SAT2: variants seen among roughly 807,000 people sequenced by gnomAD.
SAT2 encodes the protein spermidine/spermine N1-acetyltransferase family member 2, also known as thialysine N-epsilon-acetyltransferase.
In SAT2, 19 loss-of-function variants were observed where a neutral mutation model predicts 24.8. That is an observed-to-expected ratio of 0.77 (90% CI 0.53 to 1.12). The LOEUF (loss-of-function observed/expected upper bound fraction) is 1.12. Among genes scored for constraint, SAT2 ranks in the 50% most tolerant of loss-of-function variants. SAT2 has a pLI of 0.00. For missense variants in SAT2, 190 were observed against 210.7 expected (o/e 0.90, Z 0.61); for synonymous variants, 77 against 77.4 (o/e 0.99, Z 0.03).
intron 4 of SAT2, 48 bp from the exon 5 acceptor site, chr17:7,626,841 G>A (rs781241955): frequency 1.9e-5 from 30 of 1,610,506 alleles, no homozygotes; most frequent in Non-Finnish European, 2.5e-5. Context: ...TTGAGCTGAA[G>A]GGGATCAGAA....
At position 7,626,552 on chromosome 17, in the gene SAT2, G is replaced by A. The variant is rs2072213130; in HGVS notation, c.408C>T (p.Ala136=). The change falls in exon 6 of 6, where the codon GCC becomes GCT. Residue 136 remains alanine (A), a synonymous_variant. Coordinates refer to ENST00000269298, the MANE Select transcript of SAT2 (RefSeq NM_133491.5). ...CTCCTAGGGCCTTGTACAAGTCCAT[G>A]GCCCTCTGGTTCCAGTCCAGGACGG... ...RLAVLDWNQR[A]MDLYKALGAQ... is the part of the protein sequence containing the mutation. The A allele has an allele frequency of 2.5e-6, 4 of 1,614,162 alleles. No homozygotes were observed. The highest frequency in any genetic ancestry group is 3.3e-4 in the Middle Eastern group (2 of 6,062).
In SAT2 at chr17:7,627,319, T is replaced by A; in HGVS notation, c.118+44A>T. On this transcript the variant is annotated intron_variant, in intron 2 of 5. Transcript: ENST00000269298. The surrounding 1 kb of genome is among the most constrained non-coding windows in gnomAD (Gnocchi z 4.8). The stretch of plus-strand genomic sequence containing the variant: ...TGTCGCCTGGGGAACCCATCCCTCA[T>A]TTCCTCCCCAGCCTCCGCCAGAACC... 1 of 1,613,698 alleles carries A rather than the reference T, an allele frequency of 6.2e-7. No homozygotes were observed. Among genetic ancestry groups the A allele is most frequent in the African/African-American group, 1.3e-5 (1 of 75,040 alleles).
rs988712779 is a variant in SAT2, at chr17:7,627,685, A to G, written c.-50T>C. On this transcript the variant is annotated 5_prime_UTR_variant, in exon 1 of 6. Transcript: ENST00000269298. The surrounding 1 kb of genome is among the most constrained non-coding windows in gnomAD (Gnocchi z 4.8). ...AAGTCCCAGGGCCTCGCAAACGGCA[A>G]CTAGACCCCTTAAAGGGCCTACGGA... The G allele has an allele frequency of 1.2e-6, 2 of 1,608,176 alleles. No individual in the cohort carries two copies. The highest frequency in any genetic ancestry group is 2.2e-5 in the East Asian group (1 of 44,834).
chr17:7,626,951 T>A lies in SAT2; in HGVS notation c.296A>T (p.Glu99Val), dbSNP rs1409974959. The change falls in exon 4 of 6, where the codon GAA becomes GTA. Residue 99 changes from glutamate (E) to valine (V), a missense_variant. Glu to Val is a moderately radical substitution (Grantham distance 121). Transcript: ENST00000269298. ...CAGCTTCTGCCCAGTACCCCGATATTCCGGCATCACATAGATATCCTCCAG... is the reference window on the plus strand; with the variant it reads ...CAGCTTCTGCCCAGTACCCCGATATACCGGCATCACATAGATATCCTCCAG... ...IYLEDIYVMP[E>V]YRGQGIGSKI... 1 of 1,613,670 alleles carries A rather than the reference T, an allele frequency of 6.2e-7. No homozygotes were observed. Among genetic ancestry groups the A allele is most frequent in the African/African-American group, 1.3e-5 (1 of 74,874 alleles).
chr17:7,627,838 G>A, upstream of SAT2: 1 of 666,356 alleles, frequency 1.5e-6, no homozygotes, highest in Non-Finnish European at 2.8e-6. The surrounding 1 kb of genome is among the most constrained non-coding windows in gnomAD (Gnocchi z 4.8). Context: ...CCAGCGAGGC[G>A]ATCCTCTGTC....
chr17:7,627,340 G>T lies in SAT2; in HGVS notation c.118+23C>A, dbSNP rs372422201. 1.9e-6 allele frequency: 3 copies of T among 1,614,142 alleles called. No homozygotes were observed. The highest frequency in any genetic ancestry group is 3.3e-5 in the Admixed American group (2 of 60,026). On this transcript the variant is annotated intron_variant, in intron 2 of 5. Transcript: ENST00000269298. This position sits in a 1 kb window ranked among gnomAD's most constrained non-coding sequence, Gnocchi z 4.8. ...CTCATTTCCTCCCCAGCCTCCGCCAGAACCTGGGCGCTGAGCCCCCACCTT... is the reference window on the plus strand; with the variant it reads ...CTCATTTCCTCCCCAGCCTCCGCCATAACCTGGGCGCTGAGCCCCCACCTT...
rs1453126677 is a variant in SAT2, at chr17:7,626,792, A to G, written c.306T>C (p.Gly102=). ...EDIYVMPEYR[G]QGIGSKIIKK... ...TGATTATTTTGGAACCAATCCCTTG[A>G]CCTGTTGTGGAGAGAAAGAGGCAAA... Residue 102 remains glycine, a splice_region_variant and synonymous_variant, in exon 5 of 6, where the codon GGT becomes GGC. Transcript: ENST00000269298. The G allele has an allele frequency of 1.2e-6, 2 of 1,613,946 alleles. No homozygotes were observed. The highest frequency in any genetic ancestry group is 1.1e-5 in the South Asian group (1 of 91,074).
chr17:7,626,778 G>T lies in SAT2; in HGVS notation c.320C>A (p.Ser107Tyr). ...MPEYRGQGIG[S>Y]KIIKKVAEVA... ...CTCAGCCACCTTTTTGATTATTTTG[G>T]AACCAATCCCTTGACCTGTTGTGGA... The change falls in exon 5 of 6, where the codon TCC (serine) becomes TAC (tyrosine). Residue 107 changes from serine (S) to tyrosine (Y), a missense_variant. Ser to Tyr is a moderately radical substitution (Grantham distance 144). Coordinates refer to ENST00000269298, the MANE Select transcript of SAT2 (RefSeq NM_133491.5). 6.8e-6 allele frequency: 11 copies of T among 1,613,934 alleles called. No individual in the cohort carries two copies. Among genetic ancestry groups the T allele is most frequent in the Non-Finnish European group, 9.3e-6 (11 of 1,179,994 alleles).
Position 7,626,283 on chromosome 17 carries a change from G to C in SAT2, c.*164C>G. On this transcript the variant is annotated 3_prime_UTR_variant, in exon 6 of 6. Coordinates refer to ENST00000269298, the MANE Select transcript of SAT2 (RefSeq NM_133491.5). ...TTTTCACCCTCAACAAGGAAGAAAG[G>C]TCTCTCCCTCAATTCTGCTCTTCCA... 1 of 695,964 alleles carries C rather than the reference G, an allele frequency of 1.4e-6. No individual in the cohort carries two copies. The highest frequency in any genetic ancestry group is 2.5e-6 in the Non-Finnish European group (1 of 401,512). 43.1% of individuals were successfully genotyped at this position (695,964 alleles called of 1,614,324 possible).
Position 7,627,544 on chromosome 17 carries a change from C to A in SAT2, c.66+26G>T. The A allele has an allele frequency of 6.2e-7, 1 of 1,606,954 alleles. No homozygotes were observed. The highest frequency in any genetic ancestry group is 8.5e-7 in the Non-Finnish European group (1 of 1,175,380). Reference sequence around the variant, plus strand: ...CGCTCTGGCCGCGCCACTCTGACCCCCGGGTTACCGGCCTGCAGTCTTCAC... The same window carrying A: ...CGCTCTGGCCGCGCCACTCTGACCCACGGGTTACCGGCCTGCAGTCTTCAC... On this transcript the variant is annotated intron_variant, in intron 1 of 5. Transcript: ENST00000269298. The surrounding 1 kb of genome is among the most constrained non-coding windows in gnomAD (Gnocchi z 4.8).
chr17:7,626,513 C>T lies in SAT2; in HGVS notation c.447G>A (p.Thr149=), dbSNP rs369604254. Residue 149 remains threonine, a synonymous_variant, in exon 6 of 6, where the codon ACG becomes ACA. Coordinates refer to ENST00000269298, the MANE Select transcript of SAT2 (RefSeq NM_133491.5). Reference sequence around the variant, plus strand: ...AGAAGAAGTGCCAGCCCTCAGCTTCCGTCAGATCTTGGGCTCCTAGGGCCT... The same window carrying T: ...AGAAGAAGTGCCAGCCCTCAGCTTCTGTCAGATCTTGGGCTCCTAGGGCCT... ...LYKALGAQDL[T]EAEGWHFFCF... 6.2e-6 allele frequency: 10 copies of T among 1,614,042 alleles called. No homozygotes were observed. The highest frequency in any genetic ancestry group is 4.5e-5 in the East Asian group (2 of 44,888).
rs1261759940 is a variant in SAT2, at chr17:7,627,691, C to A, written c.-56G>T. On this transcript the variant is annotated 5_prime_UTR_variant, in exon 1 of 6. Transcript: ENST00000269298. This position sits in a 1 kb window ranked among gnomAD's most constrained non-coding sequence, Gnocchi z 4.8. Reference sequence around the variant, plus strand: ...CAGGGCCTCGCAAACGGCAACTAGACCCCTTAAAGGGCCTACGGACTTGGA... The same window carrying A: ...CAGGGCCTCGCAAACGGCAACTAGAACCCTTAAAGGGCCTACGGACTTGGA... The A allele has an allele frequency of 1.3e-6, 2 of 1,598,364 alleles. No homozygotes were observed. The highest frequency in any genetic ancestry group is 1.3e-5 in the African/African-American group (1 of 74,686).
At chr17:7,626,900 G>A in intron 4 of SAT2, 43 bp downstream of exon 4, 2 of 1,602,918 alleles carry the variant, frequency 1.2e-6, no homozygotes, top group Non-Finnish European at 1.7e-6. Flanking sequence ...TGGGGTCTGT[G>A]GGGTGCTTTG....
At position 7,627,233 on chromosome 17, in the gene SAT2, A is replaced by C. The variant is rs757584878; in HGVS notation, c.119-7T>G. 1.1e-5 allele frequency: 17 copies of C among 1,614,020 alleles called. No individual in the cohort carries two copies. The South Asian group carries it at 1.9e-4, about 18-fold the overall frequency. Reference sequence around the variant, plus strand: ...AAGCCATCTGCTCTCAGGGCTGCCGAGATTGGAGTTGTGACAAAGAGATAG... The same window carrying C: ...AAGCCATCTGCTCTCAGGGCTGCCGCGATTGGAGTTGTGACAAAGAGATAG... On this transcript the variant is annotated splice_region_variant and splice_polypyrimidine_tract_variant and intron_variant, in intron 2 of 5. Coordinates refer to ENST00000269298, the MANE Select transcript of SAT2 (RefSeq NM_133491.5). This position sits in a 1 kb window ranked among gnomAD's most constrained non-coding sequence, Gnocchi z 4.8.
rs1277940975 is a variant in SAT2, at chr17:7,627,520, G to A, written c.66+50C>T. On this transcript the variant is annotated intron_variant, in intron 1 of 5. Coordinates refer to ENST00000269298, the MANE Select transcript of SAT2 (RefSeq NM_133491.5). This position sits in a 1 kb window ranked among gnomAD's most constrained non-coding sequence, Gnocchi z 4.8. ...CCCTGCCCCCGCCTCCTACGACCCCGCTCTGGCCGCGCCACTCTGACCCCC... is the reference window on the plus strand; with the variant it reads ...CCCTGCCCCCGCCTCCTACGACCCCACTCTGGCCGCGCCACTCTGACCCCC... The A allele has an allele frequency of 9.4e-7, 1 of 1,061,766 alleles. No individual in the cohort carries two copies. Among genetic ancestry groups the A allele is most frequent in the South Asian group, 1.2e-5 (1 of 80,144 alleles). 65.8% of individuals were successfully genotyped at this position (1,061,766 alleles called of 1,614,324 possible).
intron 5 of SAT2, 37 bp from the exon 6 acceptor site, chr17:7,626,651 A>G (rs1365726749): frequency 1.1e-5 from 18 of 1,611,126 alleles, no homozygotes; most frequent in Non-Finnish European, 1.4e-5. Flanking sequence ...TCTGGGGTCA[A>G]AAAAGAAAAA....
In SAT2 at chr17:7,626,796, G is replaced by A. The variant is rs757249879; in HGVS notation, c.305-3C>T. 1 of 1,614,062 alleles carries A rather than the reference G, an allele frequency of 6.2e-7. No individual in the cohort carries two copies. The highest frequency in any genetic ancestry group is 8.5e-7 in the Non-Finnish European group (1 of 1,180,008). ...TATTTTGGAACCAATCCCTTGACCT[G>A]TTGTGGAGAGAAAGAGGCAAAAAAT... On this transcript the variant is annotated splice_region_variant and splice_polypyrimidine_tract_variant and intron_variant, in intron 4 of 5. Transcript: ENST00000269298.
Position 7,626,616 on chromosome 17 carries a change from T to A in SAT2, c.346-2A>T, listed in dbSNP as rs1172859345. ...GGAGCAGCCCTTATCCAAGGCCACCTGTGGGAGAAGACAACACTAACTTTT... is the reference window on the plus strand; with the variant it reads ...GGAGCAGCCCTTATCCAAGGCCACCAGTGGGAGAAGACAACACTAACTTTT... On this transcript the variant is annotated splice_acceptor_variant, in intron 5 of 5. Transcript: ENST00000269298. LOFTEE classifies it high-confidence loss of function. 2 of 1,612,014 alleles carry A rather than the reference T, an allele frequency of 1.2e-6. No homozygotes were observed. Among genetic ancestry groups the A allele is most frequent in the Non-Finnish European group, 1.7e-6 (2 of 1,179,138 alleles).
At position 7,627,094 on chromosome 17, in the gene SAT2, C is replaced by A; in HGVS notation, c.202+49G>T. The A allele has an allele frequency of 6.2e-7, 1 of 1,613,486 alleles. No individual in the cohort carries two copies. The highest frequency in any genetic ancestry group is 8.5e-7 in the Non-Finnish European group (1 of 1,179,444). ...GGCTTCTGGAAGCCTGTGGGGAGACCTCTGAGGCCGGCTGGAGAGGTGGAC... is the reference window on the plus strand; with the variant it reads ...GGCTTCTGGAAGCCTGTGGGGAGACATCTGAGGCCGGCTGGAGAGGTGGAC... On this transcript the variant is annotated intron_variant, in intron 3 of 5. Transcript: ENST00000269298. This position sits in a 1 kb window ranked among gnomAD's most constrained non-coding sequence, Gnocchi z 4.8.
Sources: allele counts gnomAD v4.1 joint callset, GRCh38; gene constraint gnomAD v4.1.1; non-coding constraint Gnocchi (gnomAD v3.1); transcripts MANE v1.5; gene names NCBI Gene and HGNC (gene_info 2026-07-23, HGNC 2026-07-21).